THSD4: variants seen among roughly 807,000 people sequenced by gnomAD.
THSD4 encodes thrombospondin type-1 domain-containing protein 4.
In THSD4, 69 loss-of-function variants were observed where a neutral mutation model predicts 119.0. The observed-to-expected ratio is 0.58, with a 90% CI of 0.48 to 0.71. The LOEUF is 0.71. THSD4 is among the 30% of genes least tolerant of loss of function. The probability of loss-of-function intolerance (pLI) is 0.00; values close to 1 mark genes in which losing one functional copy is unlikely to be tolerated. For synonymous variants in THSD4, 524 were observed against 540.4 expected, an observed-to-expected ratio of 0.97 and a Z score of 0.42; for missense variants, 1,393 against 1,391.1, an observed-to-expected ratio of 1.00 and a Z score of -0.02.
At chr15:71,451,816 C>T (rs2047269384) in intron 7 of THSD4, among the ~76,000 whole-genome samples, 1 of 152,186 alleles carries the variant, frequency 6.6e-6, no homozygotes, top group African/African-American at 2.4e-5. Context: ...GAAGCATACA[C>T]AGCGTTTTGG....
chr15:71,480,469 G>T (rs1187146333), intron 7 of THSD4, among the ~76,000 whole-genome samples: 1 of 152,152 alleles, frequency 6.6e-6, no homozygotes, highest in Non-Finnish European at 1.5e-5. Context: ...TGAAATTTAA[G>T]TTGTATATCT....
At chr15:71,662,490 C>T (rs2051330274) in intron 8 of THSD4, among the ~76,000 whole-genome samples, 1 of 152,194 alleles carries the variant, frequency 6.6e-6, no homozygotes, top group Non-Finnish European at 1.5e-5. Context: ...CATCCTGCCT[C>T]CTAGAATGGG....
chr15:71,695,339 G>A lies in THSD4; in HGVS notation c.1358-33210G>A, dbSNP rs140989537. Among the ~76,000 whole-genome samples the A allele has an allele frequency of 2.6e-5, 4 of 152,202 alleles. No homozygotes were observed. The East Asian group carries it at 7.7e-4, about 29-fold the overall frequency. ...CTATCCTTTTATTGTATGTGTATGT[G>A]TGTGTGTGTTTGTGTATGTATGAGT... On this transcript the variant is annotated intron_variant, in intron 8 of 17. Coordinates refer to ENST00000261862, the MANE Select transcript of THSD4 (RefSeq NM_024817.3).
rs781727711 is a variant in THSD4 at position 71,670,082 on chromosome 15, C to CT, written c.1357+9357dup. Among the ~76,000 whole-genome samples, 18 of 151,444 alleles carry CT rather than the reference C, an allele frequency of 1.2e-4. No individual in the cohort carries two copies. In the East Asian group the frequency reaches 2.3e-3, roughly 20 times the overall value. The stretch of plus-strand genomic sequence containing the variant: ...CAGGATTATGCCACTTCGGGTGTAC[C>CT]TTTTTTTTTATTATTATACTTTAAG... On this transcript the variant is annotated intron_variant, in intron 8 of 17. Transcript: ENST00000261862.
intron 6 of THSD4, among the ~76,000 whole-genome samples, chr15:71,334,120 A>C (rs949019352): frequency 3.3e-5 from 5 of 152,194 alleles, no homozygotes; most frequent in Non-Finnish European, 7.3e-5. Flanking sequence ...GTGTGATAAG[A>C]TACACCCAGC....
At chr15:71,656,731 CTCTA>C (rs1378480818) in intron 7 of THSD4, among the ~76,000 whole-genome samples, 4 of 152,318 alleles carry the variant, frequency 2.6e-5, no homozygotes, top group Admixed American at 2.0e-4. Context: ...TAAATCCAAG[CTCTA>C]TCTATTATTA....
intron 7 of THSD4, among the ~76,000 whole-genome samples, chr15:71,618,871 C>T (rs2050369982): frequency 6.6e-6 from 1 of 152,060 alleles, no homozygotes; most frequent in Non-Finnish European, 1.5e-5. Flanking sequence ...AGCCACCGTG[C>T]ACAGCCTCTT....
At chr15:71,166,105 A>T (rs773070582) in intron 3 of THSD4, among the ~76,000 whole-genome samples, 1 of 152,000 alleles carries the variant, frequency 6.6e-6, no homozygotes, top group African/African-American at 2.4e-5. Context: ...AGAGCATATG[A>T]GCTGGGTGAC....
rs554884577 is a variant in THSD4, at chr15:71,457,729, C to G, written c.1152+45906C>G. On this transcript the variant is annotated intron_variant, in intron 7 of 17. Coordinates refer to ENST00000261862, the MANE Select transcript of THSD4 (RefSeq NM_024817.3). ...GGGTCATCTTCTGACCAGCCTGTCT[C>G]CAAGACTTGTCCCTCCACCACCACT... Among the ~76,000 whole-genome samples, 298 of 152,336 alleles carry G rather than the reference C, an allele frequency of 2.0e-3. 17 individuals are homozygous for G. In the South Asian group the frequency reaches 0.06, roughly 31 times the overall value.
At chr15:71,738,285 C>T (rs1013462766) in intron 11 of THSD4, 8 of 354,506 alleles carry the variant, frequency 2.3e-5, no homozygotes, top group Admixed American at 4.4e-5. Flanking sequence ...GAGAATGTAA[C>T]GCCACCACTG....
chr15:71,265,481 T>C (rs1040913064), intron 6 of THSD4, among the ~76,000 whole-genome samples: 2 of 152,086 alleles, frequency 1.3e-5, no homozygotes, highest in Admixed American at 6.5e-5. Context: ...TTCCCTCGGG[T>C]GCCTACACCA....
chr15:71,704,847 C>T (rs1223989943), intron 8 of THSD4, among the ~76,000 whole-genome samples: 2 of 152,146 alleles, frequency 1.3e-5, no homozygotes, highest in Non-Finnish European at 2.9e-5. Context: ...CAGACTGTGA[C>T]GTGCAGACAC....
intron 7 of THSD4, among the ~76,000 whole-genome samples, chr15:71,430,706 G>A (rs988964965): frequency 5.9e-5 from 8 of 136,518 alleles, no homozygotes; most frequent in African/African-American, 1.6e-4. Context: ...GCAGTGAGCC[G>A]AGATCGCATC....
intron 6 of THSD4, among the ~76,000 whole-genome samples, chr15:71,283,278 C>CT (rs1296209920): frequency 2.6e-5 from 4 of 152,048 alleles, no homozygotes; most frequent in African/African-American, 9.7e-5. Context: ...CAGGTCAGAT[C>CT]TTTGTAACTC....
intron 17 of THSD4, among the ~76,000 whole-genome samples, chr15:71,773,234 G>GA (rs1391797750): frequency 2.2e-5 from 3 of 137,452 alleles, no homozygotes; most frequent in Non-Finnish European, 4.7e-5. Context: ...AAAAAGAAAA[G>GA]AAAAAAAAGT....
intron 7 of THSD4, among the ~76,000 whole-genome samples, chr15:71,458,269 A>C (rs1292413331): frequency 6.6e-6 from 1 of 152,238 alleles, no homozygotes; most frequent in Non-Finnish European, 1.5e-5. Flanking sequence ...TTGTGATATA[A>C]ATACACGTGG....
chr15:71,740,480 G>C (rs543065730), intron 11 of THSD4, among the ~76,000 whole-genome samples: 2 of 152,230 alleles, frequency 1.3e-5, no homozygotes, highest in East Asian at 3.9e-4. Flanking sequence ...TTCAACAAAG[G>C]GTGCCATGTG....
chr15:71,306,338 A>AAAAAAAG (rs1567189160), intron 6 of THSD4, among the ~76,000 whole-genome samples: 17 of 127,924 alleles, frequency 1.3e-4, no homozygotes, highest in African/African-American at 4.7e-4. Context: ...AAAAAAAAAA[A>AAAAAAAG]GGGAATGGTA....
rs1359344153 is a variant in THSD4, at chr15:71,213,263, C to T, written c.100-1772C>T. ...GTCACATTGCCTTTGTCTCTGTGTC[C>T]GTGTCTTCTCTTCCATGTCTTATAA... On this transcript the variant is annotated intron_variant, in intron 3 of 17. Coordinates refer to ENST00000261862, the MANE Select transcript of THSD4 (RefSeq NM_024817.3). Among the ~76,000 whole-genome samples the T allele has an allele frequency of 2.6e-5, 4 of 152,162 alleles. 1 individual carries two copies. In the South Asian group the frequency reaches 6.2e-4, roughly 24 times the overall value.
Sources: gnomAD v4.1 joint callset for allele counts (sites outside exome capture counted in the v4.1 genomes callset) on GRCh38, gnomAD v4.1.1 for gene constraint, MANE v1.5 for transcripts, NCBI Gene and HGNC (gene_info 2026-07-23, HGNC 2026-07-21) for gene names.